The following ADD3 variants were observed in gnomAD, a reference collection of about 807,000 sequenced individuals.
ADD3 encodes adducin 3, also known as gamma-adducin.
ADD3 carries 25 observed loss-of-function variants against 80.2 expected under a neutral mutation model. The ratio of observed to expected loss-of-function variants is 0.31; its 90% CI spans 0.23 to 0.44. ADD3 has a LOEUF of 0.44. Among genes scored for constraint, ADD3 ranks in the 20% least tolerant of loss-of-function variants. ADD3 has a pLI of 1.00. For synonymous variants in ADD3, 284 were observed against 289.6 expected (o/e 0.98, Z 0.20); for missense variants, 829 against 847.5 (o/e 0.98, Z 0.27).
At chr10:110,115,991 G>A (rs555774325) in intron 3 of ADD3, among the ~76,000 whole-genome samples, 78 of 152,238 alleles carry the variant, frequency 5.1e-4, no homozygotes, top group African/African-American at 1.8e-3. Context: ...TTTCCCCAGT[G>A]GTGTGAGCCT....
intron 5 of ADD3, among the ~76,000 whole-genome samples, chr10:110,118,136 T>A (rs538669989): frequency 6.6e-6 from 1 of 152,010 alleles, no homozygotes; most frequent in Non-Finnish European, 1.5e-5. Flanking sequence ...GACCTTAGTA[T>A]TTTATCTTTT....
intron 1 of ADD3, among the ~76,000 whole-genome samples, chr10:110,089,049 G>A (rs1283060175): frequency 6.6e-6 from 1 of 152,078 alleles, no homozygotes; most frequent in Non-Finnish European, 1.5e-5. Flanking sequence ...GGAATTTGGG[G>A]AAGTTAAATT....
chr10:110,130,302 A>G, intron 12 of ADD3, 61 bp from the exon 13 acceptor site: 1 of 1,540,458 alleles, frequency 6.5e-7, no homozygotes, highest in East Asian at 2.3e-5. Context: ...AGATGGATGG[A>G]TGGATAGATA....
intron 14 of ADD3, 66 bp downstream of exon 14, chr10:110,132,466 G>C (rs1352233284): frequency 1.8e-6 from 2 of 1,096,272 alleles, no homozygotes; most frequent in African/African-American, 1.6e-5. Context: ...TCTGTGTTTT[G>C]TTTTCACGTG....
At chr10:110,078,292 T>C (rs1845613088) in intron 1 of ADD3, among the ~76,000 whole-genome samples, 1 of 152,206 alleles carries the variant, frequency 6.6e-6, no homozygotes, top group Admixed American at 6.5e-5. Flanking sequence ...TAGCCTCTTC[T>C]AAGATCTTTT....
intron 2 of ADD3, among the ~76,000 whole-genome samples, chr10:110,105,568 C>T (rs1849313757): frequency 6.6e-6 from 1 of 152,154 alleles, no homozygotes. Flanking sequence ...CTAAGCCTTA[C>T]CACCATGGGA....
At chr10:110,031,399 A>G (rs1378862650) in intron 1 of ADD3, among the ~76,000 whole-genome samples, 1 of 152,246 alleles carries the variant, frequency 6.6e-6, no homozygotes, top group African/African-American at 2.4e-5. Context: ...CCGGATTTAT[A>G]TTCTAAATTA....
chr10:110,044,822 G>A (rs1303594293), intron 1 of ADD3, among the ~76,000 whole-genome samples: 1 of 152,170 alleles, frequency 6.6e-6, no homozygotes, highest in East Asian at 1.9e-4. Flanking sequence ...ATCAAATGCT[G>A]TTTCTAAAAG....
chr10:110,122,026 T>C (rs905250042), intron 8 of ADD3, 84 bp from the exon 9 acceptor site: 2 of 1,253,166 alleles, frequency 1.6e-6, no homozygotes, highest in African/African-American at 3.0e-5. Context: ...ATTTGCCAAA[T>C]TGAAATTGTG....
intron 1 of ADD3, among the ~76,000 whole-genome samples, chr10:110,037,939 C>T (rs933910961): frequency 6.6e-6 from 1 of 151,664 alleles, no homozygotes; most frequent in African/African-American, 2.4e-5. Flanking sequence ...TGTGGTGGCA[C>T]ATGCCTGTAA....
At chr10:110,039,223 CTCAG>C (rs1460246898) in intron 1 of ADD3, among the ~76,000 whole-genome samples, 2 of 148,720 alleles carry the variant, frequency 1.3e-5, no homozygotes, top group African/African-American at 2.6e-5. Context: ...GCTTGCCCCA[CTCAG>C]TCAGTCCGCT....
chr10:110,085,014 T>C (rs952354859), intron 1 of ADD3, among the ~76,000 whole-genome samples: 2 of 152,214 alleles, frequency 1.3e-5, no homozygotes, highest in Non-Finnish European at 2.9e-5. Flanking sequence ...AGACTTGGGT[T>C]GTTGTCTCTT....
intron 1 of ADD3, among the ~76,000 whole-genome samples, chr10:110,043,134 A>G (rs975796724): frequency 9.2e-5 from 14 of 152,186 alleles, no homozygotes; most frequent in East Asian, 3.8e-4. Context: ...TTGTGTTTCA[A>G]TTATGTCCTG....
At position 110,119,181 on chromosome 10, in the gene ADD3, T is replaced by C. The variant is rs1851153215; in HGVS notation, c.718-30T>C. The C allele has an allele frequency of 3.7e-6, 6 of 1,610,298 alleles. No homozygotes were observed. In the East Asian group the frequency reaches 1.3e-4, roughly 36 times the overall value. ...TGAAAATGTATTTAGTAACCAAATGTGTTATCTTGGTATGGGCCAAACCAA... is the reference window on the plus strand; with the variant it reads ...TGAAAATGTATTTAGTAACCAAATGCGTTATCTTGGTATGGGCCAAACCAA... On this transcript the variant is annotated intron_variant, in intron 6 of 14. Coordinates refer to ENST00000356080, the MANE Select transcript of ADD3 (RefSeq NM_016824.5).
rs543966083 is a variant in ADD3 at position 110,056,083 on chromosome 10, A to G, written c.-29-44542A>G. Among the ~76,000 whole-genome samples the G allele has an allele frequency of 7.7e-4, 118 of 152,310 alleles. 1 individual carries two copies. Among genetic ancestry groups the G allele is most frequent in the African/African-American group, 2.8e-3 (115 of 41,568 alleles). ...TATTGCAAGCAGATTTTTATAAGTC[A>G]GCAAAGACATCTGAAATCACATCAC... On this transcript the variant is annotated intron_variant, in intron 1 of 14. Transcript: ENST00000356080.
chr10:110,119,715 A>G (rs1485202311), intron 8 of ADD3, 151 bp downstream of exon 8: 1 of 624,394 alleles, frequency 1.6e-6, no homozygotes, highest in Non-Finnish European at 2.8e-6. Flanking sequence ...TTTTCAACTC[A>G]GTTATCTCTT....
chr10:110,124,872 T>G (rs1296306245), intron 10 of ADD3, among the ~76,000 whole-genome samples: 2 of 152,222 alleles, frequency 1.3e-5, no homozygotes, highest in African/African-American at 4.8e-5. Flanking sequence ...AGGATGGCTT[T>G]GGATGCAGCT....
chr10:110,071,230 C>G (rs1278991359), intron 1 of ADD3, among the ~76,000 whole-genome samples: 1 of 152,052 alleles, frequency 6.6e-6, no homozygotes, highest in Admixed American at 6.5e-5. Context: ...CTACAGAGCC[C>G]CATATCCTTA....
intron 1 of ADD3, among the ~76,000 whole-genome samples, chr10:110,055,379 GAAAT>G (rs1262564100): frequency 6.6e-6 from 1 of 152,148 alleles, no homozygotes; most frequent in Non-Finnish European, 1.5e-5. Flanking sequence ...AATTTGCTGA[GAAAT>G]AAGCATGTTT....
Sources: allele counts gnomAD v4.1 joint callset (sites outside exome capture counted in the v4.1 genomes callset), GRCh38; gene constraint gnomAD v4.1.1; transcripts MANE v1.5; gene names NCBI Gene and HGNC (gene_info 2026-07-23, HGNC 2026-07-21).